MLLT10: variants seen among roughly 807,000 people sequenced by gnomAD.
MLLT10 encodes the protein protein AF-10.
A neutral mutation model predicts 129.1 loss-of-function variants in MLLT10; 30 were observed. That is an observed-to-expected ratio of 0.23 (90% CI 0.17 to 0.32). MLLT10 has a LOEUF of 0.32. Ranked by LOEUF, MLLT10 falls within the 10% of genes least tolerant of loss-of-function variation. The probability of loss-of-function intolerance (pLI) is 1.00; values close to 1 mark genes in which losing one functional copy is unlikely to be tolerated. For synonymous variants in MLLT10, 490 were observed against 446.4 expected (o/e 1.10, Z -1.23); for missense variants, 1,119 against 1,268.3 (o/e 0.88, Z 1.79).
At chr10:21,671,169 C>T (rs1691223363) in intron 10 of MLLT10, among the ~76,000 whole-genome samples, 1 of 152,064 alleles carries the variant, frequency 6.6e-6, no homozygotes, top group African/African-American at 2.4e-5. Flanking sequence ...CAGGTGCATG[C>T]CACCATGCCT....
In MLLT10 at chr10:21,617,227, C is replaced by G. The variant is rs539382785; in HGVS notation, c.699+20C>G. The G allele has an allele frequency of 7.1e-7, 1 of 1,398,722 alleles. No homozygotes were observed. Among genetic ancestry groups the G allele is most frequent in the Middle Eastern group, 1.9e-4 (1 of 5,166 alleles). The allele number at this position is 1,398,722 out of a possible 1,614,324, so 86.6% of individuals were successfully genotyped here. A position where few individuals can be genotyped will look rare whatever the true frequency, so the allele number is the denominator to read the frequency against. ...AAAAAAGTAAGTGGATTTGTTGTTG[C>G]TAAATTTGTAGCACATCTACTTAAT... On this transcript the variant is annotated intron_variant, in intron 8 of 22. Transcript: ENST00000307729.
intron 4 of MLLT10, among the ~76,000 whole-genome samples, chr10:21,590,265 T>G (rs1041462345): frequency 6.6e-6 from 1 of 152,130 alleles, no homozygotes; most frequent in Admixed American, 6.6e-5. Flanking sequence ...TAAGTCAATT[T>G]TGGTGCGCTC....
chr10:21,740,475 A>G (rs899491588), intron 22 of MLLT10, among the ~76,000 whole-genome samples: 4 of 152,236 alleles, frequency 2.6e-5, no homozygotes, highest in Non-Finnish European at 4.4e-5. Context: ...TTTCAAGATG[A>G]CAAAGTTAGC....
intron 9 of MLLT10, among the ~76,000 whole-genome samples, chr10:21,665,213 TG>T (rs2050648367): frequency 6.6e-6 from 1 of 151,210 alleles, no homozygotes; most frequent in East Asian, 2.0e-4. Flanking sequence ...CTTAAAGTGT[TG>T]GGATTACAGG....
At chr10:21,621,512 T>C (rs1369251059) in intron 8 of MLLT10, among the ~76,000 whole-genome samples, 3 of 152,226 alleles carry the variant, frequency 2.0e-5, no homozygotes, top group African/African-American at 7.2e-5. Flanking sequence ...CCCAAAGTGC[T>C]GGGATTACAG....
intron 3 of MLLT10, among the ~76,000 whole-genome samples, chr10:21,571,750 A>G (rs1250258010): frequency 5.9e-5 from 9 of 152,112 alleles, no homozygotes; most frequent in African/African-American, 1.9e-4. Flanking sequence ...TTCTCTTGTG[A>G]TGAGTTTGTT....
intron 13 of MLLT10, among the ~76,000 whole-genome samples, chr10:21,704,596 G>A (rs912490063): frequency 6.3e-5 from 9 of 143,274 alleles, no homozygotes; most frequent in Non-Finnish European, 1.3e-4. Context: ...GCCCTTTGGA[G>A]GTGTCTCTCT....
In MLLT10 at chr10:21,673,801, A is replaced by G; in HGVS notation, c.1503A>G (p.Thr501=). The G allele has an allele frequency of 6.2e-7, 1 of 1,614,176 alleles. No individual in the cohort carries two copies. The highest frequency in any genetic ancestry group is 2.2e-5 in the East Asian group (1 of 44,870). The change falls in exon 11 of 23, where the codon ACA becomes ACG. Residue 501 remains threonine, a synonymous_variant. Coordinates refer to ENST00000307729, the MANE Select transcript of MLLT10 (RefSeq NM_001195626.3). ...SHLSVSSASP[T]SSVASAAGSI... ...TCTCAGTTTCTTCTGCTTCACCAAC[A>G]TCATCTGTAGCATCAGCTGCAGGAA...
At position 21,542,528 on chromosome 10, in the gene MLLT10, C is replaced by G. The variant is rs549874981; in HGVS notation, c.240+3616C>G. On this transcript the variant is annotated intron_variant, in intron 3 of 22. Transcript: ENST00000307729. ...GAGGTTGCAGTGAGCTGAGATCGTG[C>G]CATTGCACTCCATCTTGGGCAATGA... is the stretch of plus-strand genomic sequence containing the variant. Among the ~76,000 whole-genome samples the G allele has an allele frequency of 2.6e-5, 4 of 152,312 alleles. No homozygotes were observed. In the East Asian group the frequency reaches 7.7e-4, roughly 29 times the overall value.
At chr10:21,602,886 C>A (rs770677599) in intron 5 of MLLT10, among the ~76,000 whole-genome samples, 3 of 149,524 alleles carry the variant, frequency 2.0e-5, no homozygotes, top group Non-Finnish European at 3.0e-5. Flanking sequence ...CCCTCCACCA[C>A]GCCCGGCTAA....
intron 9 of MLLT10, among the ~76,000 whole-genome samples, chr10:21,651,972 G>A (rs1564580730): frequency 7.0e-6 from 1 of 142,786 alleles, no homozygotes; most frequent in African/African-American, 2.6e-5. Flanking sequence ...GAGTGCTGTG[G>A]CACAATCTCA....
chr10:21,717,737 T>TCCTCCTCC (rs2056796280), intron 14 of MLLT10, among the ~76,000 whole-genome samples: 1 of 19,036 alleles, frequency 5.3e-5, no homozygotes, highest in Non-Finnish European at 9.8e-5. Context: ...CCTCCTCCTC[T>TCCTCCTCC]TCCTCCTCCT....
At chr10:21,659,759 C>T (rs145908504) in intron 9 of MLLT10, among the ~76,000 whole-genome samples, 1,789 of 152,212 alleles carry the variant, frequency 0.012, 19 homozygotes, top group Non-Finnish European at 0.02. Context: ...GATCCACCCG[C>T]CTTGGCCTCC....
chr10:21,590,360 G>A (rs2042380332), intron 4 of MLLT10, among the ~76,000 whole-genome samples: 1 of 149,302 alleles, frequency 6.7e-6, no homozygotes, highest in Non-Finnish European at 1.5e-5. Context: ...TTTTTTTTGA[G>A]ATGGAGTCTT....
At chr10:21,669,457 T>A (rs1304899563) in intron 9 of MLLT10, among the ~76,000 whole-genome samples, 1 of 152,210 alleles carries the variant, frequency 6.6e-6, no homozygotes, top group Non-Finnish European at 1.5e-5. Context: ...CACTTTTGCA[T>A]ATTTTCAGAT....
intron 9 of MLLT10, among the ~76,000 whole-genome samples, chr10:21,670,248 T>A (rs981330866): frequency 2.5e-4 from 38 of 152,128 alleles, no homozygotes; most frequent in African/African-American, 8.4e-4. Flanking sequence ...GTAGGCTTTT[T>A]CTTTTCTTTT....
intron 3 of MLLT10, among the ~76,000 whole-genome samples, chr10:21,559,791 T>C (rs1337309220): frequency 1.3e-5 from 2 of 152,248 alleles, no homozygotes; most frequent in Non-Finnish European, 2.9e-5. Context: ...GAATCTTGTT[T>C]ATAGCTGAAT....
chr10:21,708,866 TGAAA>T, intron 13 of MLLT10: 1 of 518,898 alleles, frequency 1.9e-6, no homozygotes, highest in Non-Finnish European at 2.5e-6. Flanking sequence ...ACATTTTTAA[TGAAA>T]GCATTAACAC....
chr10:21,734,265 T>C, intron 20 of MLLT10, 136 bp downstream of exon 20: 1 of 876,420 alleles, frequency 1.1e-6, no homozygotes, highest in South Asian at 2.4e-5. Context: ...AAGTATATTA[T>C]ACAGAGTACA....
Sources: allele counts gnomAD v4.1 joint callset (sites outside exome capture counted in the v4.1 genomes callset), GRCh38; gene constraint gnomAD v4.1.1; transcripts MANE v1.5; gene names NCBI Gene and HGNC (gene_info 2026-07-23, HGNC 2026-07-21).